Variants in ELAVL2 observed in about 807,000 individuals in gnomAD.
The protein encoded by ELAVL2 is ELAV like RNA binding protein 2.
Under a neutral mutation model 34.6 loss-of-function variants are expected in ELAVL2, and 4 were observed. The ratio of observed to expected loss-of-function variants is 0.12; its 90% CI spans 0.06 to 0.26. The LOEUF is 0.26. Among genes scored for constraint, ELAVL2 ranks in the 10% least tolerant of loss-of-function variants. The pLI is 1.00. For synonymous variants in ELAVL2, 193 were observed against 154.8 expected, an observed-to-expected ratio of 1.25 and a Z score of -1.83; for missense variants, 432 against 442.8, an observed-to-expected ratio of 0.98 and a Z score of 0.22.
intron 5 of ELAVL2, among the ~76,000 whole-genome samples, chr9:23,694,052 T>C (rs1038208017): frequency 1.3e-5 from 2 of 152,180 alleles, no homozygotes; most frequent in South Asian, 2.1e-4. Flanking sequence ...AAAAACCTTA[T>C]GGACAACCCA....
At position 23,692,239 on chromosome 9, in the gene ELAVL2, A is replaced by G; in HGVS notation, c.*318T>C. ...ATTTACTCACAGGTTCAAGGCAGTT[A>G]TGTAAAAAGAAAAGAAATGTCTTCC... On this transcript the variant is annotated 3_prime_UTR_variant, in exon 7 of 7. Coordinates refer to ENST00000397312, the MANE Select transcript of ELAVL2 (RefSeq NM_004432.5). The G allele has an allele frequency of 4.5e-6, 1 of 222,024 alleles. No individual in the cohort carries two copies. Among genetic ancestry groups the G allele is most frequent in the South Asian group, 1.1e-4 (1 of 8,902 alleles). The allele number at this position is 222,024 out of a possible 1,614,324, so 13.8% of individuals were successfully genotyped here.
At position 23,779,991 on chromosome 9, in the gene ELAVL2, A is replaced by C. The variant is rs1398441805; in HGVS notation, c.-15-17742T>G. 5.6e-4 allele frequency among the ~76,000 whole-genome samples: 4 copies of C among 7,104 alleles called. No homozygotes were observed. The Admixed American group carries it at 6.5e-3, about 11-fold the overall frequency. 4.7% of individuals were successfully genotyped at this position (7,104 alleles called of 152,430 possible). ...TGATAGTGTTCCTTAAAAAAAAAAA[A>C]AAAAAAAAAAAAAAAAAAAAAAAAA... On this transcript the variant is annotated intron_variant, in intron 1 of 6. Transcript: ENST00000397312.
intron 1 of ELAVL2, among the ~76,000 whole-genome samples, chr9:23,772,047 A>G (rs1344097084): frequency 6.6e-6 from 1 of 152,220 alleles, no homozygotes; most frequent in Non-Finnish European, 1.5e-5. Flanking sequence ...CTACTCCCTC[A>G]GTTTTGTGGC....
chr9:23,838,900 G>A, the ELAVL2 span, among the ~76,000 whole-genome samples: 1 of 152,100 alleles, frequency 6.6e-6, no homozygotes, highest in Non-Finnish European at 1.5e-5. Flanking sequence ...CTATTTCAGT[G>A]TCCTAAACAG....
In ELAVL2 at chr9:23,811,186, CTGTT is replaced by C. The variant is rs976008804; in HGVS notation, c.-16+14616_-16+14619del. ...AAACAATGTTTATAAGTCAGCCAAA[CTGTT>C]TGGGAAAAAATTTTTTCAAAAAGTC... On this transcript the variant is annotated intron_variant, in intron 1 of 6. Transcript: ENST00000397312. Among the ~76,000 whole-genome samples, 4 of 152,142 alleles carry C rather than the reference CTGTT, an allele frequency of 2.6e-5. 1 individual carries two copies. Among genetic ancestry groups the C allele is most frequent in the Admixed American group, 2.0e-4 (3 of 15,274 alleles).
chr9:23,746,029 G>A (rs1379152406), intron 2 of ELAVL2, among the ~76,000 whole-genome samples: 3 of 152,014 alleles, frequency 2.0e-5, no homozygotes, highest in African/African-American at 4.8e-5. Context: ...GAGATGACTT[G>A]GAAGGGAGGA....
At chr9:23,764,984 A>T in intron 1 of ELAVL2, 1 of 1,606,750 alleles carries the variant, frequency 6.2e-7, no homozygotes, top group Non-Finnish European at 8.5e-7. Flanking sequence ...AGTAGCCTAC[A>T]GAATTTAAGA....
At chr9:23,798,050 G>C (rs1256125273) in intron 1 of ELAVL2, among the ~76,000 whole-genome samples, 1 of 152,218 alleles carries the variant, frequency 6.6e-6, no homozygotes, top group Admixed American at 6.5e-5. Context: ...GCAAAGAAGG[G>C]AGAACTCTGA....
intron 3 of ELAVL2, among the ~76,000 whole-genome samples, chr9:23,708,788 T>C (rs977827223): frequency 3.3e-5 from 5 of 152,066 alleles, no homozygotes; most frequent in African/African-American, 1.2e-4. Context: ...ATTACAGGCA[T>C]GTACCACCAC....
intron 1 of ELAVL2, among the ~76,000 whole-genome samples, chr9:23,784,010 C>A (rs937366156): frequency 1.3e-5 from 2 of 151,806 alleles, no homozygotes; most frequent in Non-Finnish European, 2.9e-5. Flanking sequence ...CTGGCTAACA[C>A]GGTGAAACCC....
intron 3 of ELAVL2, among the ~76,000 whole-genome samples, chr9:23,723,929 T>C (rs1422346521): frequency 6.6e-6 from 1 of 152,146 alleles, no homozygotes. Context: ...TACAAGTTAT[T>C]ACTTCTGTGG....
intron 3 of ELAVL2, among the ~76,000 whole-genome samples, chr9:23,730,586 T>A (rs186541852): frequency 6.2e-4 from 95 of 152,288 alleles, no homozygotes; most frequent in Middle Eastern, 6.8e-3. Flanking sequence ...AACGGCTGCA[T>A]CCATTTGTTT....
intron 1 of ELAVL2, among the ~76,000 whole-genome samples, chr9:23,824,747 A>G (rs774479995): frequency 2.0e-5 from 3 of 152,196 alleles, no homozygotes; most frequent in Non-Finnish European, 2.9e-5. Flanking sequence ...CTGAGAAATC[A>G]CAAAAGTTAA....
At chr9:23,738,387 G>C (rs2048377794) in intron 2 of ELAVL2, among the ~76,000 whole-genome samples, 1 of 152,168 alleles carries the variant, frequency 6.6e-6, no homozygotes, top group African/African-American at 2.4e-5. Context: ...AAGTTAAGGT[G>C]GGTCAAGTTA....
intron 2 of ELAVL2, among the ~76,000 whole-genome samples, chr9:23,740,360 G>A (rs1475260799): frequency 6.6e-6 from 1 of 151,970 alleles, no homozygotes; most frequent in African/African-American, 2.4e-5. Context: ...AAGATGCTAA[G>A]TTAACTTGCT....
chr9:23,757,502 T>A (rs183377772), intron 2 of ELAVL2, among the ~76,000 whole-genome samples: 29 of 151,970 alleles, frequency 1.9e-4, no homozygotes, highest in African/African-American at 7.0e-4. Context: ...TTGGTTAAGG[T>A]CACCTCTAGG....
chr9:23,805,571 C>T (rs702222), intron 1 of ELAVL2, among the ~76,000 whole-genome samples: 55,393 of 152,084 alleles, frequency 0.36, 10,498 homozygotes, highest in East Asian at 0.54. Flanking sequence ...GTACCTTGGG[C>T]TTGTGTGTGT....
At chr9:23,766,406 C>A (rs190837095) in intron 1 of ELAVL2, among the ~76,000 whole-genome samples, 116 of 152,214 alleles carry the variant, frequency 7.6e-4, no homozygotes, top group Non-Finnish European at 1.4e-3. Flanking sequence ...TGAGCAGGAC[C>A]ACACCCAGCA....
At chr9:23,786,156 T>C (rs2059651305) in intron 1 of ELAVL2, among the ~76,000 whole-genome samples, 1 of 152,182 alleles carries the variant, frequency 6.6e-6, no homozygotes, top group Non-Finnish European at 1.5e-5. Context: ...CCAGAAGAAT[T>C]GCTGTGAAAG....
Sources: allele counts gnomAD v4.1 joint callset (sites outside exome capture counted in the v4.1 genomes callset), GRCh38; gene constraint gnomAD v4.1.1; transcripts MANE v1.5; gene names NCBI Gene and HGNC (gene_info 2026-07-23, HGNC 2026-07-21).